The following PRR29 variants were observed in gnomAD, a reference collection of about 807,000 sequenced individuals.
PRR29 encodes proline rich 29.
PRR29 carries 20 observed loss-of-function variants against 25.1 expected under a neutral mutation model. The ratio of observed to expected loss-of-function variants is 0.80; its 90% CI spans 0.56 to 1.16. PRR29 has a LOEUF of 1.16. PRR29 is among the 50% of genes most tolerant of loss of function. The pLI is 0.00. For synonymous variants in PRR29, 108 were observed against 102.6 expected, an observed-to-expected ratio of 1.05 and a Z score of -0.32; for missense variants, 238 against 246.6, an observed-to-expected ratio of 0.97 and a Z score of 0.23.
In PRR29 at chr17:64,003,410, G is replaced by T; in HGVS notation, c.*1649G>T. 2 of 563,918 alleles carry T rather than the reference G, an allele frequency of 3.5e-6. No individual in the cohort carries two copies. Among genetic ancestry groups the T allele is most frequent in the Non-Finnish European group, 6.3e-6 (2 of 316,062 alleles). The allele number at this position is 563,918 out of a possible 1,614,324, so 34.9% of individuals were successfully genotyped here. On this transcript the variant is annotated 3_prime_UTR_variant, in exon 6 of 6. Transcript: ENST00000412177. ...GGCCAGGGAGAGCCGTCAAGGTCATGGGGCTTGATGGTGGCCGAGGAACTA... is the reference window on the plus strand; with the variant it reads ...GGCCAGGGAGAGCCGTCAAGGTCATTGGGCTTGATGGTGGCCGAGGAACTA...
In PRR29 at chr17:64,002,564, A is replaced by T; in HGVS notation, c.*803A>T. ...GTGGCTCCCCTCCCTGGCCATTGTT[A>T]TCCCAGGAGGAGACACTGTGGGCAC... On this transcript the variant is annotated 3_prime_UTR_variant, in exon 6 of 6. Transcript: ENST00000412177. 1.7e-6 allele frequency: 1 copy of T among 605,148 alleles called. No homozygotes were observed. Among genetic ancestry groups the T allele is most frequent in the Non-Finnish European group, 2.8e-6 (1 of 351,678 alleles). The allele number at this position is 605,148 out of a possible 1,614,324, so 37.5% of individuals were successfully genotyped here.
rs1262173519 is a variant in PRR29, at chr17:64,002,876, C to T, written c.*1115C>T. ...CAGATGTCACGAACAGGGACAGCAACACCGACACCACCGTGACTATGATGA... is the reference window on the plus strand; with the variant it reads ...CAGATGTCACGAACAGGGACAGCAATACCGACACCACCGTGACTATGATGA... On this transcript the variant is annotated 3_prime_UTR_variant, in exon 6 of 6. Transcript: ENST00000412177. 2 of 1,613,912 alleles carry T rather than the reference C, an allele frequency of 1.2e-6. No individual in the cohort carries two copies. Among genetic ancestry groups the T allele is most frequent in the South Asian group, 2.2e-5 (2 of 91,062 alleles).
At chr17:63,999,349 G>GT (rs80292971) in intron 3 of PRR29, 48,371 of 531,400 alleles carry the variant, frequency 0.091, 2,998 homozygotes, top group East Asian at 0.22. Flanking sequence ...CTCCAGGAAG[G>GT]TAGGCACCCT....
chr17:64,002,055 G>C lies in PRR29; in HGVS notation c.*294G>C. On this transcript the variant is annotated 3_prime_UTR_variant, in exon 6 of 6. Transcript: ENST00000412177. ...CCACTGCTTCCTGCCTGGAGCAGGG[G>C]GAGGCCTGGGAACAGAGCCCCCACC... 3.4e-6 allele frequency: 5 copies of C among 1,456,176 alleles called. No individual in the cohort carries two copies. The South Asian group carries it at 6.4e-5, about 19-fold the overall frequency. The allele number at this position is 1,456,176 out of a possible 1,614,324, so 90.2% of individuals were successfully genotyped here.
chr17:64,002,144 AG>A lies in PRR29; in HGVS notation c.*387del, dbSNP rs1910815556. On this transcript the variant is annotated 3_prime_UTR_variant, in exon 6 of 6. Transcript: ENST00000412177. ...CCTTCCAGCCTAGTAATGGAGCAAG[AG>A]GGGAGGGGGGGATTCCTTCTGCTTT... 2.4e-6 allele frequency: 2 copies of A among 821,734 alleles called. No individual in the cohort carries two copies. Among genetic ancestry groups the A allele is most frequent in the East Asian group, 5.3e-5 (2 of 37,452 alleles). The allele number at this position is 821,734 out of a possible 1,614,324, so 50.9% of individuals were successfully genotyped here.
In PRR29 at chr17:64,003,619, A is replaced by ACTCCATCCACGGATCCCCC; in HGVS notation, c.*1862_*1880dup. 2 of 1,597,084 alleles carry ACTCCATCCACGGATCCCCC rather than the reference A, an allele frequency of 1.3e-6. No homozygotes were observed. The highest frequency in any genetic ancestry group is 2.2e-5 in the East Asian group (1 of 44,698). ...GGCTGAAAGTGACTTATCACTCCCAACTCCATCCACGGATCCCCCCTCACC... is the reference window on the plus strand; with the variant it reads ...GGCTGAAAGTGACTTATCACTCCCAACTCCATCCACGGATCCCCCCTCCATCCACGGATCCCCCCTCACC... On this transcript the variant is annotated 3_prime_UTR_variant, in exon 6 of 6. Transcript: ENST00000412177.
chr17:64,000,287 A>G (rs575618026), intron 3 of PRR29, among the ~76,000 whole-genome samples: 6 of 152,340 alleles, frequency 3.9e-5, no homozygotes, highest in African/African-American at 9.6e-5. Flanking sequence ...GTCCGCATGT[A>G]GTAAACGCTC....
At position 64,003,632 on chromosome 17, in the gene PRR29, A is replaced by AT. The variant is rs758483306; in HGVS notation, c.*1872dup. ...TTATCACTCCCAACTCCATCCACGG[A>AT]TCCCCCCTCACCATAGATCTCCAAC... On this transcript the variant is annotated 3_prime_UTR_variant, in exon 6 of 6. Transcript: ENST00000412177. 32 of 1,605,926 alleles carry AT rather than the reference A, an allele frequency of 2.0e-5. No homozygotes were observed. Among genetic ancestry groups the AT allele is most frequent in the Non-Finnish European group, 2.6e-5 (30 of 1,174,862 alleles).
rs964681852 is a variant in PRR29 at position 64,002,503 on chromosome 17, G to T, written c.*742G>T. ...GGGAGGCCCCTGTGAAGGAGAGGGT[G>T]GGGAGGGAGGCATCTAGGGAGAGGG... On this transcript the variant is annotated 3_prime_UTR_variant, in exon 6 of 6. Transcript: ENST00000412177. 3.7e-6 allele frequency: 2 copies of T among 537,120 alleles called. No homozygotes were observed. Among genetic ancestry groups the T allele is most frequent in the Admixed American group, 3.2e-5 (1 of 31,724 alleles). 33.3% of individuals were successfully genotyped at this position (537,120 alleles called of 1,614,324 possible). A position where few individuals can be genotyped will look rare whatever the true frequency, so the allele number is the denominator to read the frequency against.
intron 3 of PRR29, 67 bp downstream of exon 3, chr17:63,999,141 C>A: frequency 8.0e-7 from 1 of 1,250,954 alleles, no homozygotes; most frequent in Non-Finnish European, 1.1e-6. Flanking sequence ...ACCTGGGGTT[C>A]CTGTTCAGGG....
intron 3 of PRR29, among the ~76,000 whole-genome samples, chr17:64,000,052 G>A (rs1170303017): frequency 6.6e-6 from 1 of 152,156 alleles, no homozygotes; most frequent in Non-Finnish European, 1.5e-5. Flanking sequence ...AGGCGGAGAG[G>A]GGTTCAAGGA....
In PRR29 at chr17:64,002,374, TG is replaced by T. The variant is rs1910831989; in HGVS notation, c.*616del. On this transcript the variant is annotated 3_prime_UTR_variant, in exon 6 of 6. Coordinates refer to ENST00000412177, the MANE Select transcript of PRR29 (RefSeq NM_001164257.2). ...TGGCCTGAGGTCTCCTGGGGCCAGG[TG>T]GGAACAGTGTGTCCTCTGCCCCCTG... The T allele has an allele frequency of 5.0e-6, 2 of 399,326 alleles. No homozygotes were observed. Among genetic ancestry groups the T allele is most frequent in the Middle Eastern group, 7.1e-4 (1 of 1,412 alleles). 24.7% of individuals were successfully genotyped at this position (399,326 alleles called of 1,614,324 possible).
In PRR29 at chr17:64,003,551, G is replaced by A. The variant is rs964317855; in HGVS notation, c.*1790G>A. On this transcript the variant is annotated 3_prime_UTR_variant, in exon 6 of 6. Coordinates refer to ENST00000412177, the MANE Select transcript of PRR29 (RefSeq NM_001164257.2). ...CAGGATGAAGGGTGGGCTCCTGGGTGTTTGCTTCCCAAGTGGGACTCAAGA... is the reference window on the plus strand; with the variant it reads ...CAGGATGAAGGGTGGGCTCCTGGGTATTTGCTTCCCAAGTGGGACTCAAGA... 1.3e-5 allele frequency: 15 copies of A among 1,173,540 alleles called. No homozygotes were observed. The highest frequency in any genetic ancestry group is 1.9e-5 in the Non-Finnish European group (15 of 808,550). The allele number at this position is 1,173,540 out of a possible 1,614,324, so 72.7% of individuals were successfully genotyped here.
In PRR29 at chr17:64,003,909, C is replaced by T; in HGVS notation, c.*2148C>T. On this transcript the variant is annotated 3_prime_UTR_variant, in exon 6 of 6. Transcript: ENST00000412177. The stretch of plus-strand genomic sequence containing the variant: ...GCACCCTGCACTCAATGGTGAAGGA[C>T]TTGCCCACAGCCACCAAAGTGGGTT... The T allele has an allele frequency of 6.2e-7, 1 of 1,614,168 alleles. No individual in the cohort carries two copies. The highest frequency in any genetic ancestry group is 8.5e-7 in the Non-Finnish European group (1 of 1,180,016).
Position 64,003,933 on chromosome 17 carries a change from T to C in PRR29, c.*2172T>C, listed in dbSNP as rs199866730. The C allele has an allele frequency of 6.8e-5, 110 of 1,613,754 alleles. 1 individual carries two copies. In the East Asian group the frequency reaches 2.3e-3, roughly 33 times the overall value. On this transcript the variant is annotated 3_prime_UTR_variant, in exon 6 of 6. Transcript: ENST00000412177. ...ACTTGCCCACAGCCACCAAAGTGGG[T>C]TGCAGTGTCAGGATGACCTGCCTTG...
Position 64,001,280 on chromosome 17 carries a change from A to T in PRR29, c.440A>T (p.Gln147Leu), listed in dbSNP as rs749034017. The T allele has an allele frequency of 7.8e-6, 12 of 1,537,034 alleles. No individual in the cohort carries two copies. In the African/African-American group the frequency reaches 1.6e-4, roughly 21 times the overall value. ...TACTTGCAGGACGTGCCCAGGATTC[A>T]GCACTGTCCTGCCTCCAGGGAAAGG... Reference protein sequence around the residue: ...QPYLQDVPRIQHCPASREREV... With the variant: ...QPYLQDVPRILHCPASREREV... The change falls in exon 4 of 6, where the codon CAG (glutamine) becomes CTG (leucine). Residue 147 changes from glutamine to leucine, a missense_variant. By Grantham distance (113) the Gln-to-Leu change is moderately radical. Coordinates refer to ENST00000412177, the MANE Select transcript of PRR29 (RefSeq NM_001164257.2).
In PRR29 at chr17:64,001,881, C is replaced by A. The variant is rs751712574; in HGVS notation, c.*120C>A. 6.5e-7 allele frequency: 1 copy of A among 1,536,732 alleles called. No individual in the cohort carries two copies. The highest frequency in any genetic ancestry group is 8.7e-7 in the Non-Finnish European group (1 of 1,146,890). On this transcript the variant is annotated 3_prime_UTR_variant, in exon 6 of 6. Transcript: ENST00000412177. ...CCATGGCTGGCAGTCCTTCTCACTC[C>A]CTCAACCTCAGCCAGGCCCTCTTCT...
chr17:63,998,887 A>G (rs1334749040), intron 2 of PRR29, 81 bp from the exon 3 acceptor site: 11 of 1,207,760 alleles, frequency 9.1e-6, no homozygotes, highest in Non-Finnish European at 1.2e-5. Flanking sequence ...CCGCCAACCC[A>G]TTCTTCACCC....
Position 64,004,002 on chromosome 17 carries a change from G to A in PRR29, c.*2241G>A, listed in dbSNP as rs750414734. ...AAGGAGGGAGGTCTGGTCAGGATGG[G>A]GGTGCAGTCCCAGCAGCCTCCCCCT... is the stretch of plus-strand genomic sequence containing the variant. On this transcript the variant is annotated 3_prime_UTR_variant, in exon 6 of 6. Transcript: ENST00000412177. 3.3e-5 allele frequency: 50 copies of A among 1,492,628 alleles called. No homozygotes were observed. The highest frequency in any genetic ancestry group is 2.2e-5 in the Non-Finnish European group (24 of 1,098,814). The allele number at this position is 1,492,628 out of a possible 1,614,324, so 92.5% of individuals were successfully genotyped here.
Sources: gnomAD v4.1 joint callset for allele counts (sites outside exome capture counted in the v4.1 genomes callset) on GRCh38, gnomAD v4.1.1 for gene constraint, MANE v1.5 for transcripts, NCBI Gene and HGNC (gene_info 2026-07-23, HGNC 2026-07-21) for gene names.